The following BDP1 variants were observed in gnomAD, a reference collection of about 807,000 sequenced individuals.
The protein encoded by BDP1 is transcription factor TFIIIB component B'' homolog.
BDP1 carries 169 observed loss-of-function variants against 266.6 expected under a neutral mutation model. That is an observed-to-expected ratio of 0.63 (90% CI 0.56 to 0.72). The LOEUF is 0.72. Among genes scored for constraint, BDP1 ranks in the 30% least tolerant of loss-of-function variants. BDP1 has a pLI of 0.00. For missense variants in BDP1, 3,015 were observed against 3,053.8 expected, an observed-to-expected ratio of 0.99 and a Z score of 0.30; for synonymous variants, 1,090 against 1,022.4, an observed-to-expected ratio of 1.07 and a Z score of -1.26.
At chr5:71,533,067 A>T (rs1448832598) in intron 26 of BDP1, among the ~76,000 whole-genome samples, 3 of 152,178 alleles carry the variant, frequency 2.0e-5, no homozygotes, top group African/African-American at 7.2e-5. Context: ...CACTTAATGT[A>T]ACATTTTTTA....
At chr5:71,551,608 C>T (rs1429732936) in intron 34 of BDP1, among the ~76,000 whole-genome samples, 2 of 152,246 alleles carry the variant, frequency 1.3e-5, no homozygotes, top group East Asian at 1.9e-4. Flanking sequence ...ATGGCCCATT[C>T]TCAATGAGCC....
chr5:71,544,781 G>A (rs1341235695), intron 31 of BDP1, among the ~76,000 whole-genome samples: 2 of 148,112 alleles, frequency 1.4e-5, no homozygotes, highest in Non-Finnish European at 3.0e-5. Context: ...TTGGGAGGCC[G>A]AGGCAGGAGA....
At chr5:71,489,313 A>G in intron 9 of BDP1, 91 bp from the exon 10 acceptor site, 2 of 866,360 alleles carry the variant, frequency 2.3e-6, no homozygotes, top group Non-Finnish European at 3.5e-6. Context: ...ACAAATAAAT[A>G]ATACAGAGGA....
At chr5:71,552,955 G>T (rs468158) in intron 34 of BDP1, among the ~76,000 whole-genome samples, 161 bp from the exon 35 acceptor site, 1 of 151,878 alleles carries the variant, frequency 6.6e-6, no homozygotes, top group East Asian at 1.9e-4. Flanking sequence ...GGCCATGGCC[G>T]TGTATCTCTT....
chr5:71,509,075 G>C (rs1350748068), intron 16 of BDP1, among the ~76,000 whole-genome samples: 1 of 152,102 alleles, frequency 6.6e-6, no homozygotes, highest in African/African-American at 2.4e-5. Context: ...CAAACCATTT[G>C]TCTGTATAAA....
chr5:71,495,645 T>C (rs554936808), intron 12 of BDP1, among the ~76,000 whole-genome samples: 2 of 152,318 alleles, frequency 1.3e-5, no homozygotes, highest in South Asian at 2.1e-4. Flanking sequence ...AATAATGATA[T>C]GAATTTTAGG....
At chr5:71,551,749 G>T (rs1014622053) in intron 34 of BDP1, among the ~76,000 whole-genome samples, 2 of 148,082 alleles carry the variant, frequency 1.4e-5, no homozygotes, top group African/African-American at 5.0e-5. Context: ...CTCACCTCCC[G>T]GACGGGGCGG....
intron 37 of BDP1, 145 bp downstream of exon 37, chr5:71,560,382 A>G: frequency 2.2e-6 from 2 of 889,362 alleles, no homozygotes; most frequent in Non-Finnish European, 3.3e-6. Flanking sequence ...GTTTCAGCCA[A>G]GGAAATACAG....
chr5:71,458,490 G>A (rs925617131), intron 1 of BDP1, 89 bp from the exon 2 acceptor site: 1 of 961,642 alleles, frequency 1.0e-6, no homozygotes, highest in Non-Finnish European at 1.5e-6. Flanking sequence ...CGAGATTGCA[G>A]TTTTGGATTT....
the BDP1 span, among the ~76,000 whole-genome samples, chr5:71,573,086 G>A: frequency 1.3e-5 from 2 of 152,096 alleles, no homozygotes; most frequent in African/African-American, 2.4e-5. Context: ...AAAATTAGCC[G>A]GGCGTGGTGG....
rs373970191 is a variant in BDP1, at chr5:71,544,451, A to G, written c.6507A>G (p.Ala2169=). The change falls in exon 31 of 39, where the codon GCA becomes GCG. Residue 2169 remains alanine (A), a synonymous_variant. Coordinates refer to ENST00000358731, the MANE Select transcript of BDP1 (RefSeq NM_018429.3). ...TAENKDQSKL[A]CVHGIKGTSI... ...AGAATAAGGATCAGAGCAAATTGGC[A>G]TGTGTACATGGTATCAAAGGGACCA... The G allele has an allele frequency of 1.2e-6, 2 of 1,614,172 alleles. No individual in the cohort carries two copies. The highest frequency in any genetic ancestry group is 1.1e-5 in the South Asian group (1 of 91,076).
At chr5:71,570,332 A>AT (rs1391281263), downstream of BDP1, among the ~76,000 whole-genome samples, 1 of 152,168 alleles carries the variant, frequency 6.6e-6, no homozygotes, top group African/African-American at 2.4e-5. Context: ...TTGGGGGAAG[A>AT]TTTATGGTAT....
chr5:71,545,071 T>G lies in BDP1; in HGVS notation c.6596T>G (p.Val2199Gly). Residue 2199 changes from valine (V) to glycine (G), a missense_variant, in exon 32 of 39, where the codon GTT becomes GGT. Physicochemically the swap from Val to Gly is moderately radical, Grantham distance 109. Coordinates refer to ENST00000358731, the MANE Select transcript of BDP1 (RefSeq NM_018429.3). Reference protein sequence around the residue: ...NENQEESSQEVHMLSVAPVAS... With the variant: ...NENQEESSQEGHMLSVAPVAS... ...AATCAAGAAGAGAGCTCTCAGGAGG[T>G]TCACATGTTGTCAGTTGCTCCAGTT... 1 of 1,613,514 alleles carries G rather than the reference T, an allele frequency of 6.2e-7. No homozygotes were observed. Among genetic ancestry groups the G allele is most frequent in the Non-Finnish European group, 8.5e-7 (1 of 1,179,810 alleles).
downstream of BDP1, among the ~76,000 whole-genome samples, chr5:71,569,738 C>T (rs1387531710): frequency 1.3e-5 from 2 of 152,094 alleles, no homozygotes; most frequent in South Asian, 2.1e-4. Flanking sequence ...GAGGGAGACC[C>T]TGTCTCAAAA....
chr5:71,564,819 G>A lies in BDP1; in HGVS notation c.7809G>A (p.Gly2603=), dbSNP rs368051766. 1 of 1,611,548 alleles carries A rather than the reference G, an allele frequency of 6.2e-7. No homozygotes were observed. Among genetic ancestry groups the A allele is most frequent in the Non-Finnish European group, 8.5e-7 (1 of 1,179,692 alleles). The change falls in exon 39 of 39, where the codon GGG becomes GGA. Residue 2603 remains glycine, a synonymous_variant. Transcript: ENST00000358731. The part of the protein sequence containing the change: ...YKSAQKRAPQ[G]EATTVSEYFF... Reference sequence around the variant, plus strand: ...GTGCCCAAAAGCGGGCCCCTCAAGGGGAGGCAACCACAGTCTCTGAATATT... The same window carrying A: ...GTGCCCAAAAGCGGGCCCCTCAAGGAGAGGCAACCACAGTCTCTGAATATT...
chr5:71,469,733 C>T (rs1240861830), intron 6 of BDP1, among the ~76,000 whole-genome samples: 1 of 151,940 alleles, frequency 6.6e-6, no homozygotes, highest in Non-Finnish European at 1.5e-5. Flanking sequence ...TCTGCCTCAG[C>T]CTCCCCAGTA....
chr5:71,544,646 AAG>A, intron 31 of BDP1, 139 bp downstream of exon 31: 1 of 821,780 alleles, frequency 1.2e-6, no homozygotes, highest in Non-Finnish European at 1.9e-6. Context: ...TTGGGAGGCC[AAG>A]ACGGGAGGAT....
rs192702740 is a variant in BDP1 at position 71,539,474 on chromosome 5, A to C, written c.5930-83A>C. ...TATTGGAATCTGCTCCTAGGAGATAAACACCTTAATTAAAAATCTTTTTTA... is the reference window on the plus strand; with the variant it reads ...TATTGGAATCTGCTCCTAGGAGATACACACCTTAATTAAAAATCTTTTTTA... On this transcript the variant is annotated intron_variant, in intron 27 of 38. Coordinates refer to ENST00000358731, the MANE Select transcript of BDP1 (RefSeq NM_018429.3). 6.4e-4 allele frequency: 682 copies of C among 1,065,900 alleles called. 3 individuals carry two copies. In the African/African-American group the frequency reaches 8.1e-3, roughly 13 times the overall value. The allele number at this position is 1,065,900 out of a possible 1,614,324, so 66.0% of individuals were successfully genotyped here.
At position 71,522,906 on chromosome 5, in the gene BDP1, C is replaced by T. The variant is rs1424099760; in HGVS notation, c.5344C>T (p.Pro1782Ser). The T allele has an allele frequency of 1.9e-6, 3 of 1,606,288 alleles. No homozygotes were observed. Among genetic ancestry groups the T allele is most frequent in the South Asian group, 1.1e-5 (1 of 88,634 alleles). The change falls in exon 24 of 39, where the codon CCA becomes TCA. Residue 1782 changes from proline (P) to serine (S), a missense_variant. Transcript: ENST00000358731. ...VGEETVGDNSPSSVVEEQYLN... is the reference protein window; with the variant it reads ...VGEETVGDNSSSSVVEEQYLN... ...AGAGGAAACTGTAGGAGATAATTCA[C>T]CATCTTCAGTTGTTGAAGAGCAATA...
Sources: allele counts gnomAD v4.1 joint callset (sites outside exome capture counted in the v4.1 genomes callset), GRCh38; gene constraint gnomAD v4.1.1; transcripts MANE v1.5; gene names NCBI Gene and HGNC (gene_info 2026-07-23, HGNC 2026-07-21).